Variants in NPEPPS observed in about 807,000 individuals in gnomAD.
NPEPPS encodes the protein aminopeptidase puromycin sensitive.
In NPEPPS, 14 loss-of-function variants were observed where a neutral mutation model predicts 115.5. The ratio of observed to expected loss-of-function variants is 0.12; its 90% CI spans 0.08 to 0.19. The LOEUF is 0.19. Among genes scored for constraint, NPEPPS ranks in the 10% least tolerant of loss-of-function variants. The pLI, the probability that NPEPPS is intolerant of heterozygous loss-of-function variation, is 1.00. For synonymous variants in NPEPPS, 285 were observed against 390.6 expected (o/e 0.73, Z 3.19); for missense variants, 523 against 1,110.8 (o/e 0.47, Z 7.52).
chr17:47,534,457 A>T (rs1029611398), intron 1 of NPEPPS, among the ~76,000 whole-genome samples: 1 of 152,226 alleles, frequency 6.6e-6, no homozygotes, highest in Non-Finnish European at 1.5e-5. Flanking sequence ...CACATAACAC[A>T]AAACATGCAA....
intron 10 of NPEPPS, among the ~76,000 whole-genome samples, chr17:47,591,176 A>G (rs1446305412): frequency 1.1e-4 from 16 of 152,232 alleles, no homozygotes; most frequent in African/African-American, 3.6e-4. Flanking sequence ...GTTTGAGACC[A>G]GCCTGACCAA....
chr17:47,608,224 G>A (rs1002661779), intron 17 of NPEPPS, among the ~76,000 whole-genome samples: 1 of 152,164 alleles, frequency 6.6e-6, no homozygotes, highest in South Asian at 2.1e-4. Flanking sequence ...GAAGGCTGAG[G>A]GGGGTGGAAC....
chr17:47,605,516 G>A lies in NPEPPS; in HGVS notation c.2059G>A (p.Gly687Arg), dbSNP rs1447456306. Residue 687 changes from glycine (G) to arginine (R), a missense_variant, in exon 17 of 23, where the codon GGG becomes AGG. Transcript: ENST00000322157. ...EFVKDVFSPI[G>R]ERLGWDPKPG... is the part of the protein sequence containing the mutation. ...TGTGAAAGATGTCTTTTCACCTATA[G>A]GGGAGAGACTGGGCTGGGACCCCAA... is the stretch of plus-strand genomic sequence containing the variant. 6.3e-7 allele frequency: 1 copy of A among 1,598,744 alleles called. No homozygotes were observed. Among genetic ancestry groups the A allele is most frequent in the Non-Finnish European group, 8.5e-7 (1 of 1,171,820 alleles).
chr17:47,620,468 C>G (rs1427569100), intron 22 of NPEPPS, among the ~76,000 whole-genome samples: 2 of 152,056 alleles, frequency 1.3e-5, no homozygotes, highest in Non-Finnish European at 2.9e-5. Flanking sequence ...AATTTGTTAA[C>G]CATTTAGTTC....
At chr17:47,559,523 G>A (rs1343009261) in intron 2 of NPEPPS, 1 of 305,668 alleles carries the variant, frequency 3.3e-6, no homozygotes, top group Non-Finnish European at 6.4e-6. Flanking sequence ...AACATAGTAA[G>A]CAGGTATATG....
intron 2 of NPEPPS, among the ~76,000 whole-genome samples, chr17:47,549,403 A>G (rs1225299842): frequency 6.6e-6 from 1 of 152,158 alleles, no homozygotes; most frequent in Non-Finnish European, 1.5e-5. Flanking sequence ...TACCACAGCA[A>G]CGGGAAAAAA....
chr17:47,572,068 A>C (rs1911235957), intron 3 of NPEPPS, among the ~76,000 whole-genome samples: 1 of 152,062 alleles, frequency 6.6e-6, no homozygotes, highest in Non-Finnish European at 1.5e-5. Flanking sequence ...CATGCATGGC[A>C]GAGGGCAGAG....
intron 17 of NPEPPS, among the ~76,000 whole-genome samples, 162 bp from the exon 18 acceptor site, chr17:47,612,293 ATGATT>A (rs1197714300): frequency 1.3e-5 from 2 of 152,220 alleles, no homozygotes; most frequent in Non-Finnish European, 2.9e-5. Flanking sequence ...TATCACTCTT[ATGATT>A]TGATAAATGT....
intron 3 of NPEPPS, among the ~76,000 whole-genome samples, chr17:47,570,492 G>C (rs1344348078): frequency 2.0e-5 from 3 of 151,998 alleles, no homozygotes. Flanking sequence ...TGAAGTGAAT[G>C]GTCACAGATG....
intron 12 of NPEPPS, among the ~76,000 whole-genome samples, chr17:47,594,726 G>A (rs1258924748): frequency 1.4e-5 from 2 of 147,706 alleles, no homozygotes; most frequent in African/African-American, 2.5e-5. Context: ...TCCACCTCCC[G>A]GGTTCAGGCC....
intron 1 of NPEPPS, among the ~76,000 whole-genome samples, chr17:47,524,499 ATTT>A: frequency 7.1e-6 from 1 of 141,736 alleles, no homozygotes; most frequent in Non-Finnish European, 1.5e-5. Context: ...AATTAAAAAC[ATTT>A]TTTTTTTTTT....
chr17:47,601,314 T>C (rs1913183522), intron 14 of NPEPPS, among the ~76,000 whole-genome samples: 1 of 152,116 alleles, frequency 6.6e-6, no homozygotes, highest in Non-Finnish European at 1.5e-5. Flanking sequence ...AAAATTGCTG[T>C]CTTTGCTCTC....
At chr17:47,549,545 C>T (rs1567841338) in intron 2 of NPEPPS, among the ~76,000 whole-genome samples, 1 of 151,866 alleles carries the variant, frequency 6.6e-6, no homozygotes. Context: ...TTTGGGAGGG[C>T]TAGGTGGGCG....
chr17:47,593,628 T>A (rs567821896), intron 12 of NPEPPS, among the ~76,000 whole-genome samples: 1 of 152,168 alleles, frequency 6.6e-6, no homozygotes, highest in Non-Finnish European at 1.5e-5. Flanking sequence ...CTGAGAAATA[T>A]GTTGTCAGGC....
upstream of NPEPPS, among the ~76,000 whole-genome samples, chr17:47,530,464 C>G (rs1907659053): frequency 6.8e-6 from 1 of 146,282 alleles, no homozygotes; most frequent in Admixed American, 7.1e-5. Flanking sequence ...TCACGCCATT[C>G]TCCTGCCTCA....
chr17:47,569,747 A>T (rs1911082942), intron 3 of NPEPPS, among the ~76,000 whole-genome samples: 1 of 151,952 alleles, frequency 6.6e-6, no homozygotes, highest in African/African-American at 2.4e-5. Context: ...CCTCCCGAGT[A>T]GCTGGGATTA....
Position 47,579,450 on chromosome 17 carries a change from A to G in NPEPPS, c.479A>G (p.Tyr160Cys), listed in dbSNP as rs1911724622. 1.9e-6 allele frequency: 3 copies of G among 1,612,818 alleles called. No individual in the cohort carries two copies. Among genetic ancestry groups the G allele is most frequent in the Admixed American group, 3.3e-5 (2 of 59,890 alleles). Reference protein sequence around the residue: ...GELNDKMKGFYRSKYTTPSGE... With the variant: ...GELNDKMKGFCRSKYTTPSGE... ...CTGAATGACAAAATGAAAGGTTTCTATAGAAGTAAATATACTACCCCTTCT... is the reference window on the plus strand; with the variant it reads ...CTGAATGACAAAATGAAAGGTTTCTGTAGAAGTAAATATACTACCCCTTCT... Residue 160 changes from tyrosine to cysteine, a missense_variant, in exon 4 of 23, where the codon TAT becomes TGT. Coordinates refer to ENST00000322157, the MANE Select transcript of NPEPPS (RefSeq NM_006310.4).
intron 12 of NPEPPS, among the ~76,000 whole-genome samples, chr17:47,594,330 T>C (rs1912704901): frequency 1.3e-5 from 2 of 152,216 alleles, no homozygotes; most frequent in South Asian, 4.1e-4. Context: ...TTTTTCTTTC[T>C]TGAATAATAA....
chr17:47,565,505 CAAAA>C lies in NPEPPS; in HGVS notation c.341-3893_341-3890del, dbSNP rs1172238090. Among the ~76,000 whole-genome samples, 9 of 64,500 alleles carry C rather than the reference CAAAA, an allele frequency of 1.4e-4. No individual in the cohort carries two copies. The South Asian group carries it at 5.2e-3, about 37-fold the overall frequency. 42.3% of individuals were successfully genotyped at this position (64,500 alleles called of 152,430 possible). A position where few individuals can be genotyped will look rare whatever the true frequency, so the allele number is the denominator to read the frequency against. ...TGGGCGACAGAGCAAGACTCCATCT[CAAAA>C]AAAAAAAAAAAAAAAAAAGGTGATT... is the stretch of plus-strand genomic sequence containing the variant. On this transcript the variant is annotated intron_variant, in intron 2 of 22. Coordinates refer to ENST00000322157, the MANE Select transcript of NPEPPS (RefSeq NM_006310.4).
Sources: gnomAD v4.1 joint callset for allele counts (sites outside exome capture counted in the v4.1 genomes callset) on GRCh38, gnomAD v4.1.1 for gene constraint, MANE v1.5 for transcripts, NCBI Gene and HGNC (gene_info 2026-07-23, HGNC 2026-07-21) for gene names.